Variants in TEX11 observed in about 807,000 individuals in gnomAD.
TEX11 encodes testis expressed 11, also known as testis-expressed protein 11.
TEX11 carries 7 observed loss-of-function variants against 84.4 expected under a neutral mutation model. The observed-to-expected ratio is 0.08, with a 90% CI of 0.05 to 0.16. TEX11 has a LOEUF of 0.16. Among genes scored for constraint, TEX11 ranks in the 10% least tolerant of loss-of-function variants. TEX11 has a pLI of 1.00. For synonymous variants in TEX11, 264 were observed against 222.8 expected (o/e 1.18, Z -1.64); for missense variants, 551 against 660.5 (o/e 0.83, Z 1.82).
chrX:70,519,743 C>G, the TEX11 span, among the ~76,000 whole-genome samples: 1 of 112,050 alleles, frequency 8.9e-6, no homozygotes, highest in East Asian at 2.8e-4. Context: ...CCATCACTTT[C>G]AGGTACACCA....
At chrX:70,597,305 A>T (rs1478877947) in intron 24 of TEX11, among the ~76,000 whole-genome samples, 1 of 111,624 alleles carries the variant, frequency 9.0e-6, no homozygotes, top group Non-Finnish European at 1.9e-5. Context: ...AATTCCAGGG[A>T]CCTAGAATAG....
chrX:70,676,011 AG>A (rs2090068944), intron 15 of TEX11, among the ~76,000 whole-genome samples: 1 of 111,898 alleles, frequency 8.9e-6, no homozygotes, highest in African/African-American at 3.3e-5. Context: ...TTTTTGTGAC[AG>A]GCTTATGTCA....
chrX:70,821,447 G>C (rs2147822143), intron 8 of TEX11, among the ~76,000 whole-genome samples: 1 of 111,077 alleles, frequency 9.0e-6, no homozygotes, highest in South Asian at 3.9e-4. Context: ...ATGAGATTTA[G>C]TTGTTTGAAA....
intron 9 of TEX11, among the ~76,000 whole-genome samples, chrX:70,777,141 G>A (rs1221023589): frequency 2.8e-5 from 3 of 107,864 alleles, no homozygotes; most frequent in Non-Finnish European, 5.7e-5. Flanking sequence ...GTCTCCCAAA[G>A]TGCTGGGATT....
At chrX:70,884,530 G>C (rs1294968197) in intron 2 of TEX11, among the ~76,000 whole-genome samples, 1 of 111,670 alleles carries the variant, frequency 9.0e-6, no homozygotes, top group African/African-American at 3.2e-5. Context: ...AGTGTCAAAA[G>C]GGTCTGGCAA....
At chrX:70,680,297 A>C (rs370046140) in intron 14 of TEX11, among the ~76,000 whole-genome samples, 67 of 95,497 alleles carry the variant, frequency 7.0e-4, no homozygotes, top group Middle Eastern at 0.01. Flanking sequence ...ACCCTGTGCT[A>C]TCTGAAACAT....
chrX:70,772,587 T>A (rs1480539557), intron 9 of TEX11, among the ~76,000 whole-genome samples: 1 of 110,479 alleles, frequency 9.1e-6, no homozygotes, highest in African/African-American at 3.3e-5. Flanking sequence ...AAATTCTTTT[T>A]AAATAATAAT....
chrX:70,795,819 C>T (rs1405684589), intron 9 of TEX11, among the ~76,000 whole-genome samples: 2 of 111,252 alleles, frequency 1.8e-5, no homozygotes, highest in East Asian at 5.6e-4. Context: ...GCTGCTGTGA[C>T]CAAAAACATA....
At chrX:70,894,686 C>T (rs1196119417) in intron 2 of TEX11, among the ~76,000 whole-genome samples, 3 of 110,835 alleles carry the variant, frequency 2.7e-5, no homozygotes, top group South Asian at 3.8e-4. Context: ...TTATCCACCA[C>T]GATCAAGTCG....
At chrX:70,786,708 G>A (rs1484600928) in intron 9 of TEX11, among the ~76,000 whole-genome samples, 2 of 111,816 alleles carry the variant, frequency 1.8e-5, no homozygotes, top group Non-Finnish European at 3.8e-5. Flanking sequence ...ACATTAAAAG[G>A]ATCATTCACT....
intron 2 of TEX11, among the ~76,000 whole-genome samples, chrX:70,884,329 T>C (rs2091697376): frequency 8.9e-6 from 1 of 112,048 alleles, no homozygotes; most frequent in South Asian, 3.8e-4. Context: ...CTTTCCACTA[T>C]ACTGGTTCTA....
intron 25 of TEX11, among the ~76,000 whole-genome samples, chrX:70,579,451 C>T (rs1301803613): frequency 9.4e-6 from 1 of 106,340 alleles, no homozygotes; most frequent in African/African-American, 3.4e-5. Context: ...AAGCCGAGAT[C>T]GCACCACTGC....
chrX:70,774,777 C>T (rs927582071), intron 9 of TEX11, among the ~76,000 whole-genome samples: 4 of 111,338 alleles, frequency 3.6e-5, no homozygotes, highest in African/African-American at 1.3e-4. Context: ...AGTGACCAAA[C>T]TGTCCAAAGT....
intron 9 of TEX11, among the ~76,000 whole-genome samples, chrX:70,746,997 C>T (rs1471813133): frequency 3.6e-5 from 4 of 112,018 alleles, no homozygotes; most frequent in Admixed American, 9.5e-5. Flanking sequence ...TTAAGCAGAT[C>T]GTCTGACCAA....
chrX:70,723,292 A>G (rs2090574481), intron 12 of TEX11, among the ~76,000 whole-genome samples: 1 of 111,618 alleles, frequency 9.0e-6, no homozygotes, highest in Non-Finnish European at 1.9e-5. Context: ...TGTAGATTAT[A>G]ATAATAATAG....
At chrX:70,622,084 T>G (rs781182125) in intron 20 of TEX11, among the ~76,000 whole-genome samples, 1 of 111,900 alleles carries the variant, frequency 8.9e-6, no homozygotes, top group East Asian at 2.8e-4. Context: ...CCTATAAAAA[T>G]TATCCAGTCC....
chrX:70,784,753 G>A (rs1369776475), intron 9 of TEX11, among the ~76,000 whole-genome samples: 2 of 111,269 alleles, frequency 1.8e-5, no homozygotes, highest in Non-Finnish European at 3.8e-5. Flanking sequence ...AAAATACCTA[G>A]GAATCCAACT....
intron 4 of TEX11, among the ~76,000 whole-genome samples, chrX:70,863,559 C>T (rs751978663): frequency 3.4e-4 from 38 of 111,655 alleles, no homozygotes; most frequent in Non-Finnish European, 6.2e-4. Context: ...CACACAAAAA[C>T]CCCATCCAAA....
At chrX:70,897,298 C>T (rs1013301078) in intron 2 of TEX11, among the ~76,000 whole-genome samples, 1 of 102,266 alleles carries the variant, frequency 9.8e-6, no homozygotes, top group African/African-American at 3.6e-5. Context: ...ATGAATGAAA[C>T]AGACAAGAGT....
Sources: allele counts gnomAD v4.1 joint callset (sites outside exome capture counted in the v4.1 genomes callset), GRCh38; gene constraint gnomAD v4.1.1; transcripts MANE v1.5; gene names NCBI Gene and HGNC (gene_info 2026-07-23, HGNC 2026-07-21).